Variants in CCDC102B observed in about 807,000 individuals in gnomAD.
CCDC102B encodes the protein coiled-coil domain-containing protein 102B.
In CCDC102B, 75 loss-of-function variants were observed where a neutral mutation model predicts 57.4. The ratio of observed to expected loss-of-function variants is 1.31; its 90% CI spans 1.08 to 1.58. The LOEUF (loss-of-function observed/expected upper bound fraction) is 1.58. CCDC102B is among the 40% of genes most tolerant of loss of function. The probability of loss-of-function intolerance (pLI) is 0.00; values close to 1 mark genes in which losing one functional copy is unlikely to be tolerated. For missense variants in CCDC102B, 636 were observed against 582.6 expected (o/e 1.09, Z -0.94); for synonymous variants, 206 against 201.9 (o/e 1.02, Z -0.17).
At chr18:69,017,274 C>T (rs899043739) in intron 7 of CCDC102B, among the ~76,000 whole-genome samples, 2 of 151,886 alleles carry the variant, frequency 1.3e-5, no homozygotes, top group African/African-American at 4.8e-5. Context: ...TGCCACCATG[C>T]CTGGCTATTT....
rs148519104 is a variant in CCDC102B, at chr18:68,731,352, C to T, written c.-67+14758C>T. On this transcript the variant is annotated intron_variant, in intron 2 of 3. Transcript: ENST00000578970. ...TGAGATGATCACAAACCCCTATAAT[C>T]TAGTTCCTGTGTCCTTTTGATCTGA... 2.1e-3 allele frequency among the ~76,000 whole-genome samples: 321 copies of T among 152,258 alleles called. 1 individual carries two copies. The highest frequency in any genetic ancestry group is 7.6e-3 in the African/African-American group (314 of 41,556).
At chr18:68,833,088 C>T (rs1177512045) in intron 1 of CCDC102B, among the ~76,000 whole-genome samples, 1 of 152,124 alleles carries the variant, frequency 6.6e-6, no homozygotes, top group East Asian at 1.9e-4. Context: ...CTGAAATACT[C>T]TAAAAAATTT....
At chr18:68,847,503 T>A (rs899935256) in intron 4 of CCDC102B, among the ~76,000 whole-genome samples, 1 of 151,914 alleles carries the variant, frequency 6.6e-6, no homozygotes, top group African/African-American at 2.4e-5. Context: ...TCATAAACCT[T>A]TATTTGAGTA....
At chr18:68,720,711 C>G (rs1412028513) in intron 2 of CCDC102B, among the ~76,000 whole-genome samples, 2 of 150,788 alleles carry the variant, frequency 1.3e-5, no homozygotes, top group Admixed American at 1.3e-4. Flanking sequence ...ACATGAAGCC[C>G]GGTGAGTCTT....
upstream of CCDC102B, among the ~76,000 whole-genome samples, chr18:68,797,271 G>T (rs935438774): frequency 1.6e-4 from 25 of 152,092 alleles, no homozygotes; most frequent in African/African-American, 6.0e-4. Context: ...ATAATTTGAA[G>T]ACATTTATTG....
At chr18:68,818,384 A>G (rs1599508881) in intron 1 of CCDC102B, among the ~76,000 whole-genome samples, 2 of 152,338 alleles carry the variant, frequency 1.3e-5, no homozygotes, top group South Asian at 4.1e-4. Flanking sequence ...TGATTAGTTA[A>G]ATGTTCAACG....
rs1292561301 is a variant in CCDC102B, at chr18:68,846,468, C to A, written c.936+47C>A. On this transcript the variant is annotated intron_variant, in intron 4 of 7. Coordinates refer to ENST00000360242, the MANE Select transcript of CCDC102B (RefSeq NM_024781.3). ...AGGAAGAAATGAAGCCTAGCTTTTT[C>A]TTTCTTTGGATATGTAAGCATGTGG... 2.4e-6 allele frequency: 3 copies of A among 1,269,504 alleles called. No homozygotes were observed. In the Admixed American group the frequency reaches 7.3e-5, roughly 31 times the overall value. 78.6% of individuals were successfully genotyped at this position (1,269,504 alleles called of 1,614,324 possible).
At chr18:68,778,362 G>A (rs1458274710) in intron 2 of CCDC102B, among the ~76,000 whole-genome samples, 2 of 151,976 alleles carry the variant, frequency 1.3e-5, no homozygotes, top group Non-Finnish European at 2.9e-5. Flanking sequence ...TACCATTTCT[G>A]TATAAGTTTG....
At chr18:68,871,938 G>A (rs911511708) in intron 4 of CCDC102B, among the ~76,000 whole-genome samples, 2 of 152,178 alleles carry the variant, frequency 1.3e-5, no homozygotes, top group Non-Finnish European at 2.9e-5. Flanking sequence ...TAAAATAACC[G>A]AAGTAATAGA....
chr18:69,053,294 T>C, intron 7 of CCDC102B, among the ~76,000 whole-genome samples: 1 of 150,562 alleles, frequency 6.6e-6, no homozygotes, highest in Non-Finnish European at 1.5e-5. Flanking sequence ...AAATGATACA[T>C]TTTCAATAAT....
chr18:68,990,985 C>T (rs999419803), intron 6 of CCDC102B, among the ~76,000 whole-genome samples: 12 of 152,058 alleles, frequency 7.9e-5, no homozygotes, highest in African/African-American at 2.9e-4. Context: ...TGTATTCCGT[C>T]TATTGTTAAT....
At chr18:68,745,436 C>T (rs1044149971) in intron 2 of CCDC102B, among the ~76,000 whole-genome samples, 4 of 127,090 alleles carry the variant, frequency 3.1e-5, no homozygotes, top group African/African-American at 1.2e-4. Flanking sequence ...TCCTTCAATG[C>T]CCTCATTTCA....
intron 5 of CCDC102B, among the ~76,000 whole-genome samples, chr18:68,879,379 G>A (rs370369489): frequency 9.2e-5 from 14 of 152,182 alleles, no homozygotes; most frequent in East Asian, 5.8e-4. Context: ...GGACTCGAGC[G>A]GGTTGCCACT....
chr18:69,054,171 G>A lies in CCDC102B; in HGVS notation c.*34G>A. On this transcript the variant is annotated 3_prime_UTR_variant, in exon 8 of 8. Transcript: ENST00000360242. Reference sequence around the variant, plus strand: ...CAAAATATGCTGAATTAAAGATTAGGGCCTTAAAGACATTTCCATATCCTT... The same window carrying A: ...CAAAATATGCTGAATTAAAGATTAGAGCCTTAAAGACATTTCCATATCCTT... 4.5e-6 allele frequency: 7 copies of A among 1,552,682 alleles called. No homozygotes were observed. The highest frequency in any genetic ancestry group is 6.0e-6 in the Non-Finnish European group (7 of 1,157,356).
intron 6 of CCDC102B, among the ~76,000 whole-genome samples, chr18:68,946,557 A>G (rs1376700853): frequency 2.0e-5 from 3 of 152,044 alleles, no homozygotes; most frequent in African/African-American, 4.8e-5. Flanking sequence ...TTCTGAATCT[A>G]TAAATTAGAG....
chr18:68,772,919 G>T (rs2034688922), intron 2 of CCDC102B, among the ~76,000 whole-genome samples: 1 of 152,056 alleles, frequency 6.6e-6, no homozygotes, highest in South Asian at 2.1e-4. Flanking sequence ...AGAAGAGAGA[G>T]AAATAGCAAA....
chr18:69,054,790 T>C lies in CCDC102B; in HGVS notation c.*653T>C, dbSNP rs190071930. 4.1e-6 allele frequency: 4 copies of C among 985,362 alleles called. No individual in the cohort carries two copies. In the East Asian group the frequency reaches 4.5e-4, roughly 112 times the overall value. The allele number at this position is 985,362 out of a possible 1,614,324, so 61.0% of individuals were successfully genotyped here. On this transcript the variant is annotated 3_prime_UTR_variant, in exon 8 of 8. Coordinates refer to ENST00000360242, the MANE Select transcript of CCDC102B (RefSeq NM_024781.3). ...GAGAAACTAAAAGGACTTTTGACTT[T>C]TATCTGGATAGACATTTCTACAGTA...
intron 4 of CCDC102B, among the ~76,000 whole-genome samples, chr18:68,849,301 T>C (rs115650847): frequency 1.3e-5 from 2 of 152,058 alleles, no homozygotes; most frequent in African/African-American, 4.8e-5. Flanking sequence ...TAGAAATAGG[T>C]GTATGGTGGA....
intron 6 of CCDC102B, among the ~76,000 whole-genome samples, chr18:68,909,352 A>G (rs1396362703): frequency 6.6e-6 from 1 of 152,178 alleles, no homozygotes; most frequent in Non-Finnish European, 1.5e-5. Context: ...TTGCCAATAT[A>G]TCCCTCCCCT....
Sources: allele counts gnomAD v4.1 joint callset (sites outside exome capture counted in the v4.1 genomes callset), GRCh38; gene constraint gnomAD v4.1.1; transcripts MANE v1.5; gene names NCBI Gene and HGNC (gene_info 2026-07-23, HGNC 2026-07-21).